Variants in RAD51B observed in about 807,000 individuals in gnomAD.
RAD51B encodes the protein DNA repair protein RAD51 homolog 2.
In RAD51B, 38 loss-of-function variants were observed where a neutral mutation model predicts 42.2. That is an observed-to-expected ratio of 0.90 (90% CI 0.70 to 1.18). RAD51B has a LOEUF of 1.18. Among genes scored for constraint, RAD51B ranks in the 50% most tolerant of loss-of-function variants. The pLI is 0.00. For synonymous variants in RAD51B, 154 were observed against 145.2 expected (o/e 1.06, Z -0.43); for missense variants, 373 against 400.7 (o/e 0.93, Z 0.59).
intron 7 of RAD51B, among the ~76,000 whole-genome samples, chr14:68,244,816 G>A (rs534788250): frequency 6.6e-6 from 1 of 152,258 alleles, no homozygotes; most frequent in Non-Finnish European, 1.5e-5. Flanking sequence ...CAAGCCACGG[G>A]GTGGGTAATC....
At chr14:67,953,139 T>C (rs1020438486) in intron 7 of RAD51B, among the ~76,000 whole-genome samples, 1 of 152,154 alleles carries the variant, frequency 6.6e-6, no homozygotes, top group African/African-American at 2.4e-5. Flanking sequence ...GAATCAACCA[T>C]CTAAGAGGAC....
chr14:68,089,531 A>C (rs1447994913), intron 7 of RAD51B, among the ~76,000 whole-genome samples: 6 of 152,056 alleles, frequency 3.9e-5, no homozygotes, highest in Admixed American at 3.9e-4. Flanking sequence ...AGACCTCAGA[A>C]CTCAATACCC....
intron 7 of RAD51B, among the ~76,000 whole-genome samples, chr14:68,240,741 T>C (rs1382190757): frequency 6.6e-6 from 1 of 152,236 alleles, no homozygotes; most frequent in Non-Finnish European, 1.5e-5. Flanking sequence ...GATGTTTTTC[T>C]TCCTGAAGAA....
intron 7 of RAD51B, among the ~76,000 whole-genome samples, chr14:67,948,411 T>C (rs995757770): frequency 1.3e-5 from 2 of 152,174 alleles, no homozygotes; most frequent in African/African-American, 4.8e-5. Flanking sequence ...TCTGGAGATA[T>C]ATGCAACCCA....
At chr14:67,894,863 A>G (rs980008123) in intron 7 of RAD51B, among the ~76,000 whole-genome samples, 1 of 152,118 alleles carries the variant, frequency 6.6e-6, no homozygotes, top group African/African-American at 2.4e-5. Flanking sequence ...TACTGCAGCT[A>G]TGCCGAGTTC....
chr14:68,621,107 T>G (rs1006451070), intron 10 of RAD51B, among the ~76,000 whole-genome samples: 3 of 152,202 alleles, frequency 2.0e-5, no homozygotes, highest in Non-Finnish European at 4.4e-5. Context: ...TCTCACTTAT[T>G]TTTCCTTCCT....
intron 5 of RAD51B, among the ~76,000 whole-genome samples, chr14:67,880,919 G>A (rs2042885908): frequency 6.6e-6 from 1 of 152,024 alleles, no homozygotes; most frequent in Admixed American, 6.6e-5. Flanking sequence ...TTAACAATTG[G>A]GATATGTTCT....
chr14:68,379,852 T>G (rs2083445319), intron 8 of RAD51B, among the ~76,000 whole-genome samples: 1 of 152,222 alleles, frequency 6.6e-6, no homozygotes, highest in Non-Finnish European at 1.5e-5. Context: ...GTGGTGAAGT[T>G]AGCAGGGTGA....
At chr14:68,406,274 A>G (rs1275330623) in intron 8 of RAD51B, among the ~76,000 whole-genome samples, 3 of 152,176 alleles carry the variant, frequency 2.0e-5, no homozygotes, top group Non-Finnish European at 4.4e-5. Context: ...CATTGTGTGA[A>G]CATCATAGAA....
chr14:68,382,432 G>A (rs1427379529), intron 8 of RAD51B, among the ~76,000 whole-genome samples: 1 of 152,110 alleles, frequency 6.6e-6, no homozygotes, highest in Non-Finnish European at 1.5e-5. Context: ...AGGACAGAGT[G>A]GCCTTTCTAA....
Position 68,350,517 on chromosome 14 carries a change from T to C in RAD51B, c.853+58537T>C, listed in dbSNP as rs189260733. ...GTCAGAAAATTGCTGGTGAAGCATC[T>C]TTCTTCAGAGTGCCTCCCTTCCCCG... On this transcript the variant is annotated intron_variant, in intron 8 of 10. Coordinates refer to ENST00000471583, the MANE Select transcript of RAD51B (RefSeq NM_133510.4). 1.1e-3 allele frequency among the ~76,000 whole-genome samples: 170 copies of C among 152,362 alleles called. 2 individuals carry two copies. The highest frequency in any genetic ancestry group is 1.9e-3 in the South Asian group (9 of 4,830).
chr14:68,168,996 C>G (rs1180739553), intron 7 of RAD51B, among the ~76,000 whole-genome samples: 2 of 152,176 alleles, frequency 1.3e-5, no homozygotes. Context: ...GCATACACCT[C>G]CATCAGAGCA....
At chr14:68,563,828 CTT>C in intron 10 of RAD51B, 1 of 985,426 alleles carries the variant, frequency 1.0e-6, no homozygotes, top group South Asian at 4.7e-5. Context: ...TTGGAACGTG[CTT>C]TTTTACCTCC....
In RAD51B at chr14:68,126,173, A is replaced by AT; in HGVS notation, c.757-165705dup. On this transcript the variant is annotated intron_variant, in intron 7 of 10. Transcript: ENST00000471583. ...AGCTATACCTTTTTTTGTGCTAATA[A>AT]TTTTTTACTGTAGTAACAACAAAAA... Among the ~76,000 whole-genome samples, 2 of 152,238 alleles carry AT rather than the reference A, an allele frequency of 1.3e-5. 1 individual carries two copies. Among genetic ancestry groups the AT allele is most frequent in the South Asian group, 4.2e-4 (2 of 4,812 alleles).
intron 3 of RAD51B, among the ~76,000 whole-genome samples, chr14:67,829,772 C>T (rs2040968952): frequency 6.6e-6 from 1 of 152,076 alleles, no homozygotes; most frequent in Non-Finnish European, 1.5e-5. Flanking sequence ...TTATACAGTC[C>T]AGCCCTCTTG....
chr14:68,591,904 C>A (rs750165906), intron 10 of RAD51B, among the ~76,000 whole-genome samples: 19 of 152,160 alleles, frequency 1.2e-4, no homozygotes, highest in Non-Finnish European at 2.4e-4. Context: ...CCTTTCACTT[C>A]TGGATCCTGC....
chr14:67,837,683 A>G (rs2041291665), intron 4 of RAD51B, among the ~76,000 whole-genome samples: 1 of 152,144 alleles, frequency 6.6e-6, no homozygotes, highest in African/African-American at 2.4e-5. Context: ...CAATAATTGT[A>G]TATATTTATG....
chr14:68,213,088 C>T (rs2079744947), intron 7 of RAD51B, among the ~76,000 whole-genome samples: 1 of 152,164 alleles, frequency 6.6e-6, no homozygotes, highest in African/African-American at 2.4e-5. Context: ...CCAATTTTCT[C>T]ATTAAAAATT....
intron 7 of RAD51B, among the ~76,000 whole-genome samples, chr14:68,271,383 G>A (rs1428235686): frequency 3.3e-5 from 5 of 152,260 alleles, no homozygotes; most frequent in African/African-American, 1.2e-4. Flanking sequence ...ACAAGCCTGG[G>A]TTTGAATCCC....
Sources: gnomAD v4.1 joint callset for allele counts (sites outside exome capture counted in the v4.1 genomes callset) on GRCh38, gnomAD v4.1.1 for gene constraint, MANE v1.5 for transcripts, NCBI Gene and HGNC (gene_info 2026-07-23, HGNC 2026-07-21) for gene names.